Variants in ARID1A observed in about 807,000 individuals in gnomAD.
ARID1A encodes AT-rich interactive domain-containing protein 1A.
ARID1A carries 20 observed loss-of-function variants against 212.6 expected under a neutral mutation model. The ratio of observed to expected loss-of-function variants is 0.09; its 90% CI spans 0.07 to 0.14. The LOEUF is 0.14. Ranked by LOEUF, ARID1A falls within the 10% of genes least tolerant of loss-of-function variation. The probability of loss-of-function intolerance (pLI) is 1.00; values close to 1 mark genes in which losing one functional copy is unlikely to be tolerated. For missense variants in ARID1A, 2,587 were observed against 3,059.0 expected (o/e 0.85, Z 3.64); for synonymous variants, 1,376 against 1,222.1 (o/e 1.13, Z -2.63).
chr1:26,759,919 TTTC>T (rs2080975677), intron 4 of ARID1A, among the ~76,000 whole-genome samples: 1 of 152,256 alleles, frequency 6.6e-6, no homozygotes, highest in Non-Finnish European at 1.5e-5. Flanking sequence ...AATGTCTCTC[TTTC>T]TTACCTCCTA....
intron 4 of ARID1A, among the ~76,000 whole-genome samples, chr1:26,749,529 A>G (rs1033486983): frequency 5.3e-5 from 8 of 152,286 alleles, no homozygotes; most frequent in Admixed American, 2.0e-4. Flanking sequence ...TGCAGGGGCT[A>G]CCACCACAGG....
At chr1:26,715,181 T>C (rs541950625) in intron 1 of ARID1A, among the ~76,000 whole-genome samples, 3 of 152,272 alleles carry the variant, frequency 2.0e-5, no homozygotes, top group African/African-American at 7.2e-5. Flanking sequence ...CTTTATTTAC[T>C]TTGTTTATTT....
At position 26,780,975 on chromosome 1, in the gene ARID1A, C is replaced by T. The variant is rs939320870; in HGVS notation, c.*219C>T. ...CTTTCTGTTCCTTGTCCTCACCTTA[C>T]TCCCCTCAGGACCCTACCCCACCCT... On this transcript the variant is annotated 3_prime_UTR_variant, in exon 20 of 20. Coordinates refer to ENST00000324856, the MANE Select transcript of ARID1A (RefSeq NM_006015.6). This position sits in a 1 kb window ranked among gnomAD's most constrained non-coding sequence, Gnocchi z 7.2. 8 of 593,232 alleles carry T rather than the reference C, an allele frequency of 1.3e-5. No individual in the cohort carries two copies. The highest frequency in any genetic ancestry group is 3.4e-5 in the Admixed American group (1 of 29,128). The allele number at this position is 593,232 out of a possible 1,614,324, so 36.7% of individuals were successfully genotyped here.
intron 4 of ARID1A, among the ~76,000 whole-genome samples, chr1:26,755,340 G>A (rs2080919433): frequency 6.6e-6 from 1 of 152,226 alleles, no homozygotes; most frequent in African/African-American, 2.4e-5. Context: ...GACAGTTTGA[G>A]AGGTTGGCCT....
At chr1:26,738,468 A>G (rs1163752301) in intron 4 of ARID1A, among the ~76,000 whole-genome samples, 1 of 152,206 alleles carries the variant, frequency 6.6e-6, no homozygotes, top group Non-Finnish European at 1.5e-5. Flanking sequence ...TTATTGCCAT[A>G]GTGCCTGGCA....
chr1:26,737,605 C>T (rs1287573721), intron 4 of ARID1A, among the ~76,000 whole-genome samples: 2 of 152,138 alleles, frequency 1.3e-5, no homozygotes, highest in Non-Finnish European at 2.9e-5. Context: ...GTGCCTCACG[C>T]TTGTAATCCC....
Position 26,716,774 on chromosome 1 carries a change from C to T in ARID1A, c.1138-12877C>T, listed in dbSNP as rs563850437. On this transcript the variant is annotated intron_variant, in intron 1 of 19. Coordinates refer to ENST00000324856, the MANE Select transcript of ARID1A (RefSeq NM_006015.6). ...CCGAGTAGCTGAGATTACAGGCATG[C>T]ACCACCACACCCAACTAATTTTTGT... 2.0e-5 allele frequency among the ~76,000 whole-genome samples: 3 copies of T among 152,174 alleles called. No homozygotes were observed. In the East Asian group the frequency reaches 5.8e-4, roughly 29 times the overall value.
intron 1 of ARID1A, chr1:26,729,354 C>A: frequency 2.4e-6 from 1 of 408,802 alleles, no homozygotes; most frequent in Non-Finnish European, 4.6e-6. Flanking sequence ...AACTGAAGGG[C>A]CTTTGTTTAT....
In ARID1A at chr1:26,771,092, C is replaced by T. The variant is rs558270469; in HGVS notation, c.3199-27C>T. 46 of 1,611,612 alleles carry T rather than the reference C, an allele frequency of 2.9e-5. No homozygotes were observed. The East Asian group carries it at 9.1e-4, about 32-fold the overall frequency. On this transcript the variant is annotated intron_variant, in intron 11 of 19. Coordinates refer to ENST00000324856, the MANE Select transcript of ARID1A (RefSeq NM_006015.6). This position sits in a 1 kb window ranked among gnomAD's most constrained non-coding sequence, Gnocchi z 5.4. ...CAGGAAAACCAGGCGGGAGATATAC[C>T]TCGACTCCTTTGGTTTGGTTATACA...
intron 10 of ARID1A, 58 bp downstream of exon 10, chr1:26,766,624 G>A (rs962047897): frequency 1.6e-5 from 24 of 1,469,118 alleles, no homozygotes; most frequent in Admixed American, 2.2e-5. Context: ...TCAGTGATAG[G>A]AAGGAAAAAG....
At chr1:26,698,463 G>A (rs1250273684) in intron 1 of ARID1A, among the ~76,000 whole-genome samples, 6 of 152,206 alleles carry the variant, frequency 3.9e-5, no homozygotes, top group African/African-American at 1.2e-4. Flanking sequence ...TGAGGAGGGA[G>A]GTTTAAGTAG....
At chr1:26,776,583 C>G (rs2081138721) in intron 19 of ARID1A, among the ~76,000 whole-genome samples, 1 of 152,134 alleles carries the variant, frequency 6.6e-6, no homozygotes, top group Admixed American at 6.5e-5. Context: ...CTACAATATT[C>G]TTACAAAGCT....
Position 26,768,002 on chromosome 1 carries a change from G to A in ARID1A, c.3198+3G>A, listed in dbSNP as rs2124087980. On this transcript the variant is annotated splice_donor_region_variant and intron_variant, in intron 11 of 19. Transcript: ENST00000324856. ...AGGAGATTGGTGGATTGACTCAGGT[G>A]AGTGGGCGCCTGACACTTGACTGCC... 2 of 1,613,560 alleles carry A rather than the reference G, an allele frequency of 1.2e-6. No homozygotes were observed. Among genetic ancestry groups the A allele is most frequent in the Non-Finnish European group, 1.7e-6 (2 of 1,179,636 alleles).
intron 1 of ARID1A, among the ~76,000 whole-genome samples, chr1:26,717,034 G>A (rs1413371183): frequency 6.6e-6 from 1 of 152,140 alleles, no homozygotes; most frequent in East Asian, 1.9e-4. Context: ...CAAAAAAGGC[G>A]CTTTCATACA....
chr1:26,731,060 T>C (rs2080671322), intron 2 of ARID1A, 92 bp from the exon 3 acceptor site: 1 of 1,338,840 alleles, frequency 7.5e-7, no homozygotes, highest in Non-Finnish European at 1.1e-6. Flanking sequence ...TTGCTTTCTA[T>C]ACTCATCATC....
chr1:26,725,301 A>G (rs543056518), intron 1 of ARID1A, among the ~76,000 whole-genome samples: 2 of 152,228 alleles, frequency 1.3e-5, no homozygotes, highest in Admixed American at 6.5e-5. Flanking sequence ...CTACTTTCCA[A>G]TAAAACTGAT....
chr1:26,696,157 G>T lies in ARID1A; in HGVS notation c.-247G>T, dbSNP rs1360493630. On this transcript the variant is annotated 5_prime_UTR_variant, in exon 1 of 20. The change creates a premature stop within an existing upstream ORF in the 5' untranslated region. Transcript: ENST00000324856. Reference sequence around the variant, plus strand: ...CCGGGTCCCGAGCCTACAGAGCCGGGAGCAGCTGAGCCGCCGGCGCCTCGG... The same window carrying T: ...CCGGGTCCCGAGCCTACAGAGCCGGTAGCAGCTGAGCCGCCGGCGCCTCGG... 4.0e-6 allele frequency: 2 copies of T among 504,456 alleles called. No homozygotes were observed. Among genetic ancestry groups the T allele is most frequent in the South Asian group, 9.0e-5 (1 of 11,168 alleles). The allele number at this position is 504,456 out of a possible 1,614,324, so 31.2% of individuals were successfully genotyped here.
chr1:26,751,124 G>C (rs1441074067), intron 4 of ARID1A, among the ~76,000 whole-genome samples: 1 of 151,866 alleles, frequency 6.6e-6, no homozygotes, highest in Admixed American at 6.6e-5. Flanking sequence ...GCGTGGTGGC[G>C]AGGGTCTGTA....
Position 26,779,346 on chromosome 1 carries a change from C to T in ARID1A, c.5448C>T (p.Ile1816=), listed in dbSNP as rs781511470. 4.5e-5 allele frequency: 73 copies of T among 1,614,088 alleles called. No individual in the cohort carries two copies. The highest frequency in any genetic ancestry group is 5.8e-5 in the Non-Finnish European group (68 of 1,180,054). The change falls in exon 20 of 20, where the codon ATC becomes ATT. Residue 1816 remains isoleucine, a synonymous_variant. Coordinates refer to ENST00000324856, the MANE Select transcript of ARID1A (RefSeq NM_006015.6). ...AGTTTGACAAGCTTCCAGTAAAGAT[C>T]GTACAGAAGAATGATCCATTTGTGG... ...ISKFDKLPVK[I]VQKNDPFVVD...
Sources: gnomAD v4.1 joint callset for allele counts (sites outside exome capture counted in the v4.1 genomes callset) on GRCh38, gnomAD v4.1.1 for gene constraint, Gnocchi (gnomAD v3.1) non-coding constraint, MANE v1.5 for transcripts, NCBI Gene and HGNC (gene_info 2026-07-23, HGNC 2026-07-21) for gene names.